IL1RAPL1: variants seen among roughly 807,000 people sequenced by gnomAD.
IL1RAPL1 encodes interleukin 1 receptor accessory protein like 1.
IL1RAPL1 carries 3 observed loss-of-function variants against 48.4 expected under a neutral mutation model. That is an observed-to-expected ratio of 0.06 (90% CI 0.03 to 0.16). The LOEUF (loss-of-function observed/expected upper bound fraction) is 0.16, where lower values mean the gene tolerates loss of function less well. IL1RAPL1 is among the 10% of genes least tolerant of loss of function. The probability of loss-of-function intolerance (pLI) is 1.00; values close to 1 mark genes in which losing one functional copy is unlikely to be tolerated. For synonymous variants in IL1RAPL1, 185 were observed against 187.7 expected (o/e 0.99, Z 0.12); for missense variants, 349 against 530.6 (o/e 0.66, Z 3.36).
intron 5 of IL1RAPL1, among the ~76,000 whole-genome samples, chrX:29,654,940 C>G (rs1175085845): frequency 8.1e-5 from 9 of 111,731 alleles, no homozygotes; most frequent in Non-Finnish European, 1.7e-4. Flanking sequence ...TATTTATAAA[C>G]CTTGAATTTC....
chrX:29,873,983 G>A (rs962137516), intron 6 of IL1RAPL1, among the ~76,000 whole-genome samples: 4 of 112,072 alleles, frequency 3.6e-5, no homozygotes, highest in African/African-American at 1.3e-4. Flanking sequence ...AACACAAATT[G>A]CAGTTTTAAA....
intron 2 of IL1RAPL1, among the ~76,000 whole-genome samples, chrX:28,807,909 C>T (rs1601912064): frequency 9.0e-6 from 1 of 110,539 alleles, no homozygotes; most frequent in African/African-American, 3.3e-5. Context: ...TAGAAGAAAA[C>T]TCCATCAAAT....
intron 2 of IL1RAPL1, among the ~76,000 whole-genome samples, chrX:28,943,947 A>G (rs961738135): frequency 2.7e-5 from 3 of 111,176 alleles, no homozygotes; most frequent in African/African-American, 9.8e-5. Flanking sequence ...CAACTGCTGC[A>G]TTTGGACAAG....
At chrX:29,612,234 A>G (rs1173956634) in intron 5 of IL1RAPL1, among the ~76,000 whole-genome samples, 1 of 110,657 alleles carries the variant, frequency 9.0e-6, no homozygotes, top group Non-Finnish European at 1.9e-5. Context: ...TTTTGAGTCA[A>G]TGGACCCTTT....
At chrX:28,918,839 A>G (rs1348549762) in intron 2 of IL1RAPL1, among the ~76,000 whole-genome samples, 1 of 111,791 alleles carries the variant, frequency 8.9e-6, no homozygotes, top group Non-Finnish European at 1.9e-5. Flanking sequence ...AAAGTGCTGG[A>G]TAACACAGGT....
chrX:29,153,458 A>G (rs889205271), intron 2 of IL1RAPL1, among the ~76,000 whole-genome samples: 2 of 111,785 alleles, frequency 1.8e-5, no homozygotes, highest in South Asian at 7.5e-4. Flanking sequence ...ATACTGGTTT[A>G]CCCTTATCTC....
chrX:28,821,494 A>G (rs1249823948), intron 2 of IL1RAPL1, among the ~76,000 whole-genome samples: 1 of 111,739 alleles, frequency 8.9e-6, no homozygotes, highest in Non-Finnish European at 1.9e-5. Flanking sequence ...GTGTACTAGA[A>G]CACTTTCTAA....
At chrX:29,027,652 C>G (rs1266595217) in intron 2 of IL1RAPL1, among the ~76,000 whole-genome samples, 1 of 111,587 alleles carries the variant, frequency 9.0e-6, no homozygotes, top group Non-Finnish European at 1.9e-5. Flanking sequence ...TGTATTCCCA[C>G]CAGCAATTAA....
intron 1 of IL1RAPL1, among the ~76,000 whole-genome samples, chrX:28,742,360 A>G (rs932433023): frequency 1.8e-5 from 2 of 111,806 alleles, no homozygotes. Context: ...CTGCAGTTCA[A>G]CAAAATCAAT....
intron 2 of IL1RAPL1, among the ~76,000 whole-genome samples, chrX:29,114,773 G>A (rs989283644): frequency 3.6e-5 from 4 of 110,280 alleles, no homozygotes; most frequent in African/African-American, 1.3e-4. Flanking sequence ...GGGATTACAG[G>A]CATCTGCCAC....
chrX:29,478,858 C>G (rs999112938), intron 5 of IL1RAPL1, among the ~76,000 whole-genome samples: 1 of 110,748 alleles, frequency 9.0e-6, no homozygotes, highest in Admixed American at 9.7e-5. Context: ...AGAGCTCCCC[C>G]TACTGACTGT....
At chrX:29,127,175 T>C in intron 2 of IL1RAPL1, among the ~76,000 whole-genome samples, 1 of 111,044 alleles carries the variant, frequency 9.0e-6, no homozygotes, top group East Asian at 2.8e-4. Flanking sequence ...TTCTTTATTA[T>C]TGTCATCATC....
chrX:29,252,435 G>A (rs182307688), intron 2 of IL1RAPL1, among the ~76,000 whole-genome samples: 196 of 112,741 alleles, frequency 1.7e-3, no homozygotes, highest in Middle Eastern at 4.7e-3. Context: ...TGTATGTCTG[G>A]TTAAATACAT....
intron 5 of IL1RAPL1, among the ~76,000 whole-genome samples, chrX:29,416,562 A>G (rs889589378): frequency 9.0e-6 from 1 of 111,118 alleles, no homozygotes; most frequent in Non-Finnish European, 1.9e-5. Context: ...ACAAACAACA[A>G]CGAAAACCTC....
chrX:28,690,987 A>G (rs936968452), intron 1 of IL1RAPL1, among the ~76,000 whole-genome samples: 1 of 111,529 alleles, frequency 9.0e-6, no homozygotes, highest in South Asian at 3.8e-4. Flanking sequence ...CTTGTACTCA[A>G]TGTTATATTC....
At chrX:28,869,659 T>G (rs1922161320) in intron 2 of IL1RAPL1, among the ~76,000 whole-genome samples, 1 of 112,284 alleles carries the variant, frequency 8.9e-6, no homozygotes, top group Non-Finnish European at 1.9e-5. Flanking sequence ...TGAACGCCAA[T>G]GGCATTTAGT....
At chrX:29,278,120 G>T (rs1285895544) in intron 2 of IL1RAPL1, among the ~76,000 whole-genome samples, 1 of 111,790 alleles carries the variant, frequency 8.9e-6, no homozygotes, top group Non-Finnish European at 1.9e-5. Flanking sequence ...ATATTAGTAT[G>T]CAACATGTAT....
intron 1 of IL1RAPL1, among the ~76,000 whole-genome samples, chrX:28,770,882 A>T (rs890711174): frequency 1.8e-5 from 2 of 112,297 alleles, no homozygotes; most frequent in African/African-American, 6.5e-5. Context: ...AGTGGAGGCC[A>T]GTGGAAGTAT....
At chrX:28,790,853 G>C (rs1170185945) in intron 2 of IL1RAPL1, among the ~76,000 whole-genome samples, 1 of 111,468 alleles carries the variant, frequency 9.0e-6, no homozygotes, top group Non-Finnish European at 1.9e-5. Flanking sequence ...AAGAGAGTTA[G>C]AGTAGGTAGA....
Sources: gnomAD v4.1 joint callset for allele counts (sites outside exome capture counted in the v4.1 genomes callset) on GRCh38, gnomAD v4.1.1 for gene constraint, MANE v1.5 for transcripts, NCBI Gene and HGNC (gene_info 2026-07-23, HGNC 2026-07-21) for gene names.